Variants in SORCS2 observed in about 807,000 individuals in gnomAD.
The protein encoded by SORCS2 is sortilin related VPS10 domain containing receptor 2.
SORCS2 carries 100 observed loss-of-function variants against 141.6 expected under a neutral mutation model. That is an observed-to-expected ratio of 0.71 (90% CI 0.60 to 0.83). The LOEUF (loss-of-function observed/expected upper bound fraction) is 0.83, where lower values mean the gene tolerates loss of function less well. Among genes scored for constraint, SORCS2 ranks in the 40% least tolerant of loss-of-function variants. The pLI, the probability that SORCS2 is intolerant of heterozygous loss-of-function variation, is 0.00. For missense variants in SORCS2, 1,646 were observed against 1,560.2 expected (o/e 1.05, Z -0.93); for synonymous variants, 789 against 676.9 (o/e 1.17, Z -2.57).
chr4:7,194,029 A>C (rs2108845338), intron 1 of SORCS2, among the ~76,000 whole-genome samples: 1 of 152,020 alleles, frequency 6.6e-6, no homozygotes, highest in South Asian at 2.1e-4. Flanking sequence ...CCACCCCCAC[A>C]AAAGGGCCAA....
intron 3 of SORCS2, among the ~76,000 whole-genome samples, chr4:7,570,204 C>T (rs1046204550): frequency 2.0e-5 from 3 of 152,200 alleles, no homozygotes; most frequent in African/African-American, 4.8e-5. Context: ...TGGATTAGAA[C>T]GCAGCCCGTC....
intron 2 of SORCS2, among the ~76,000 whole-genome samples, chr4:7,427,352 G>A (rs577247757): frequency 6.6e-6 from 1 of 152,294 alleles, no homozygotes; most frequent in South Asian, 2.1e-4. Flanking sequence ...GGGGCCTCGG[G>A]CAAGAGCACT....
chr4:7,198,076 G>C (rs979522457), intron 1 of SORCS2, among the ~76,000 whole-genome samples: 2 of 152,174 alleles, frequency 1.3e-5, no homozygotes, highest in African/African-American at 4.8e-5. Context: ...AGGGCTGCAG[G>C]GTGAGACATC....
intron 3 of SORCS2, among the ~76,000 whole-genome samples, chr4:7,570,718 C>T (rs142823955): frequency 2.0e-5 from 3 of 152,290 alleles, no homozygotes; most frequent in Admixed American, 6.5e-5. Context: ...ACCCCATCTG[C>T]CATGTCCTGT....
intron 2 of SORCS2, among the ~76,000 whole-genome samples, chr4:7,493,217 A>G (rs1457049207): frequency 6.6e-6 from 1 of 152,234 alleles, no homozygotes. Flanking sequence ...GAAGTAGCAC[A>G]TACCATTTCT....
chr4:7,518,014 C>A (rs1733095412), intron 2 of SORCS2, among the ~76,000 whole-genome samples: 1 of 152,214 alleles, frequency 6.6e-6, no homozygotes, highest in Admixed American at 6.5e-5. Context: ...AATCAGAACA[C>A]AGGTCTGTGT....
At chr4:7,729,534 A>G in intron 22 of SORCS2, 53 bp from the exon 23 acceptor site, 4 of 1,543,402 alleles carry the variant, frequency 2.6e-6, no homozygotes, top group Non-Finnish European at 3.5e-6. Context: ...CCCCAGTATG[A>G]GGCAGGGAAT....
chr4:7,494,022 C>CACACACACACAG (rs1290935297), intron 2 of SORCS2, among the ~76,000 whole-genome samples: 4 of 136,946 alleles, frequency 2.9e-5, no homozygotes, highest in African/African-American at 1.1e-4. Flanking sequence ...CACACATTCA[C>CACACACACACAG]ACACACACAC....
At chr4:7,486,532 C>G (rs1273817996) in intron 2 of SORCS2, among the ~76,000 whole-genome samples, 1 of 152,208 alleles carries the variant, frequency 6.6e-6, no homozygotes, top group Non-Finnish European at 1.5e-5. Context: ...TCCTTGTACC[C>G]CAGCTGAGAG....
At chr4:7,623,599 T>C (rs2108833767) in intron 3 of SORCS2, among the ~76,000 whole-genome samples, 1 of 152,170 alleles carries the variant, frequency 6.6e-6, no homozygotes, top group Admixed American at 6.5e-5. Flanking sequence ...CTTCCACCTT[T>C]TCACATCTCC....
At position 7,723,895 on chromosome 4, in the gene SORCS2, GC is replaced by G. The variant is rs1444247912; in HGVS notation, c.2611+16del. 6.3e-7 allele frequency: 1 copy of G among 1,590,906 alleles called. No individual in the cohort carries two copies. The highest frequency in any genetic ancestry group is 8.5e-7 in the Non-Finnish European group (1 of 1,172,938). ...TGTCCAGGTCAACTGTAAGTTTATT[GC>G]CCCTTTGAGGCCAAAGGTCACTCCC... On this transcript the variant is annotated intron_variant, in intron 19 of 26. Coordinates refer to ENST00000507866, the MANE Select transcript of SORCS2 (RefSeq NM_020777.3).
At chr4:7,593,670 C>G (rs774867839) in intron 3 of SORCS2, among the ~76,000 whole-genome samples, 1 of 152,072 alleles carries the variant, frequency 6.6e-6, no homozygotes, top group Non-Finnish European at 1.5e-5. Flanking sequence ...GGGGTGGGGG[C>G]GGCCCCAGGC....
At chr4:7,639,309 C>T (rs558128572) in intron 4 of SORCS2, among the ~76,000 whole-genome samples, 1 of 152,226 alleles carries the variant, frequency 6.6e-6, no homozygotes, top group African/African-American at 2.4e-5. Context: ...AACCCTGCCT[C>T]TCTCAGCTGC....
chr4:7,309,133 G>A (rs1310596567), intron 1 of SORCS2, among the ~76,000 whole-genome samples: 1 of 152,226 alleles, frequency 6.6e-6, no homozygotes, highest in Non-Finnish European at 1.5e-5. Flanking sequence ...CACTTGGAAA[G>A]GTCTAAATCA....
intron 1 of SORCS2, among the ~76,000 whole-genome samples, chr4:7,249,508 T>C (rs971096683): frequency 3.9e-5 from 6 of 152,202 alleles, no homozygotes; most frequent in African/African-American, 1.2e-4. Flanking sequence ...CACCTTTTGA[T>C]GAGAGGAGTA....
chr4:7,678,258 A>G (rs1723293634), intron 9 of SORCS2, among the ~76,000 whole-genome samples: 1 of 149,998 alleles, frequency 6.7e-6, no homozygotes, highest in African/African-American at 2.5e-5. Flanking sequence ...GAAGGAACTC[A>G]GAGCCACACA....
At chr4:7,307,565 C>T (rs555970231) in intron 1 of SORCS2, among the ~76,000 whole-genome samples, 46 of 152,316 alleles carry the variant, frequency 3.0e-4, no homozygotes, top group African/African-American at 9.1e-4. Flanking sequence ...AGGGCTCCGC[C>T]GCCATGCCTG....
intron 3 of SORCS2, among the ~76,000 whole-genome samples, chr4:7,637,081 G>A (rs983339075): frequency 7.2e-5 from 11 of 152,068 alleles, no homozygotes; most frequent in East Asian, 1.9e-4. Flanking sequence ...TTGAATTTAC[G>A]GTCTACCCTA....
intron 4 of SORCS2, among the ~76,000 whole-genome samples, chr4:7,650,683 C>T (rs980149150): frequency 1.3e-5 from 2 of 151,728 alleles, no homozygotes; most frequent in East Asian, 3.9e-4. Flanking sequence ...GCTCCGCAGA[C>T]CCGGGTCCCC....
Sources: allele counts gnomAD v4.1 joint callset (sites outside exome capture counted in the v4.1 genomes callset), GRCh38; gene constraint gnomAD v4.1.1; transcripts MANE v1.5; gene names NCBI Gene and HGNC (gene_info 2026-07-23, HGNC 2026-07-21).